Variants in MANBAL observed in about 807,000 individuals in gnomAD.
The protein encoded by MANBAL is protein MANBAL.
Under a neutral mutation model 6.4 loss-of-function variants are expected in MANBAL, and 1 was observed. That is an observed-to-expected ratio of 0.16 (90% CI 0.06 to 0.74). The LOEUF (loss-of-function observed/expected upper bound fraction) is 0.74. MANBAL is among the 30% of genes least tolerant of loss of function. The probability of loss-of-function intolerance (pLI) is 0.78; values close to 1 mark genes in which losing one functional copy is unlikely to be tolerated. For missense variants in MANBAL, 100 were observed against 107.8 expected (o/e 0.93, Z 0.32); for synonymous variants, 47 against 45.8 (o/e 1.03, Z -0.10).
chr20:37,308,446 C>T (rs972702803), intron 2 of MANBAL, among the ~76,000 whole-genome samples: 99 of 152,166 alleles, frequency 6.5e-4, no homozygotes, highest in African/African-American at 2.4e-3. Context: ...CCTAGTCTGA[C>T]ACCACCACTG....
chr20:37,301,083 C>T, intron 1 of MANBAL, 125 bp from the exon 2 acceptor site: 4 of 466,304 alleles, frequency 8.6e-6, no homozygotes, highest in East Asian at 4.8e-5. Flanking sequence ...GCCGAAGTTG[C>T]AGTGATCATG....
intron 1 of MANBAL, among the ~76,000 whole-genome samples, chr20:37,291,802 T>C (rs1162655497): frequency 6.6e-6 from 1 of 152,220 alleles, no homozygotes; most frequent in Non-Finnish European, 1.5e-5. Context: ...GCACACACTC[T>C]CTTGCCTGCT....
Position 37,317,007 on chromosome 20 carries a change from C to T in MANBAL, c.*592C>T, listed in dbSNP as rs540696053. The T allele has an allele frequency of 6.5e-6, 1 of 152,742 alleles. No individual in the cohort carries two copies. The highest frequency in any genetic ancestry group is 1.5e-5 in the Non-Finnish European group (1 of 68,116). The allele number at this position is 152,742 out of a possible 1,614,324, so 9.5% of individuals were successfully genotyped here. A position where few individuals can be genotyped will look rare whatever the true frequency, so the allele number is the denominator to read the frequency against. On this transcript the variant is annotated 3_prime_UTR_variant, in exon 3 of 3. Transcript: ENST00000373606. Reference sequence around the variant, plus strand: ...ACAGCCAGGCCAGGGTAGGCAGTGCCTGCTTCTGCTCCATCAGGTGCAGGG... The same window carrying T: ...ACAGCCAGGCCAGGGTAGGCAGTGCTTGCTTCTGCTCCATCAGGTGCAGGG...
At chr20:37,296,925 A>G (rs1250615916) in intron 1 of MANBAL, 10 of 152,204 alleles carry the variant, frequency 6.6e-5, no homozygotes, top group African/African-American at 2.4e-4. Flanking sequence ...CTCTTGCCCT[A>G]TCTTTCTATT....
At chr20:37,310,523 G>A (rs2069361563) in intron 2 of MANBAL, among the ~76,000 whole-genome samples, 1 of 152,220 alleles carries the variant, frequency 6.6e-6, no homozygotes, top group South Asian at 2.1e-4. Context: ...AGTGGCCTGC[G>A]TAGAATGACA....
At chr20:37,293,949 G>T (rs547972031) in intron 1 of MANBAL, among the ~76,000 whole-genome samples, 1 of 152,124 alleles carries the variant, frequency 6.6e-6, no homozygotes, top group Non-Finnish European at 1.5e-5. Flanking sequence ...GACTTCATGC[G>T]TGTGTATGTT....
chr20:37,302,470 G>T, intron 2 of MANBAL: 2 of 1,006,492 alleles, frequency 2.0e-6, no homozygotes, highest in Non-Finnish European at 2.9e-6. Context: ...ATAAAAATCC[G>T]GTCAGTCTTT....
chr20:37,300,093 C>T (rs917499843), intron 1 of MANBAL, among the ~76,000 whole-genome samples: 2 of 152,210 alleles, frequency 1.3e-5, no homozygotes, highest in African/African-American at 4.8e-5. Context: ...GTTGTCCCTC[C>T]TCCATTTAAA....
intron 2 of MANBAL, among the ~76,000 whole-genome samples, chr20:37,311,592 A>G (rs537576020): frequency 1.3e-5 from 2 of 152,152 alleles, no homozygotes; most frequent in South Asian, 2.1e-4. Flanking sequence ...GGTTCAAGTG[A>G]TTCTCCTGCC....
intron 2 of MANBAL, among the ~76,000 whole-genome samples, chr20:37,307,565 T>C (rs1279649171): frequency 1.3e-5 from 2 of 152,090 alleles, no homozygotes; most frequent in Non-Finnish European, 2.9e-5. Context: ...AAGACCAGCC[T>C]GGCCAACATG....
intron 2 of MANBAL, among the ~76,000 whole-genome samples, chr20:37,312,347 G>C (rs1487083065): frequency 1.3e-5 from 2 of 152,062 alleles, no homozygotes; most frequent in African/African-American, 4.8e-5. Context: ...TGGTTCTGGG[G>C]GCTGCTAAGT....
At chr20:37,298,841 A>G (rs1283645040) in intron 1 of MANBAL, 1 of 151,776 alleles carries the variant, frequency 6.6e-6, no homozygotes, top group Non-Finnish European at 1.5e-5. Context: ...AGCTGGAGCA[A>G]TTCTCCTGCC....
chr20:37,308,753 CAG>C (rs1268374273), intron 2 of MANBAL, among the ~76,000 whole-genome samples: 6 of 152,286 alleles, frequency 3.9e-5, no homozygotes, highest in African/African-American at 9.6e-5. Context: ...GATTTCTACA[CAG>C]AGTGTTGATT....
Position 37,313,161 on chromosome 20 carries a change from G to A in MANBAL, c.151-3147G>A, listed in dbSNP as rs144250607. Among the ~76,000 whole-genome samples, 1,129 of 144,578 alleles carry A rather than the reference G, an allele frequency of 7.8e-3. 16 individuals carry two copies. The highest frequency in any genetic ancestry group is 0.026 in the African/African-American group (1,023 of 38,992). 94.8% of individuals were successfully genotyped at this position (144,578 alleles called of 152,430 possible). A position where few individuals can be genotyped will look rare whatever the true frequency, so the allele number is the denominator to read the frequency against. On this transcript the variant is annotated intron_variant, in intron 2 of 2. Coordinates refer to ENST00000373606, the MANE Select transcript of MANBAL (RefSeq NM_001003897.2). ...TGGGAGGCCGAATCGGGCAGATCAC[G>A]AGGTCAGGAGATCGAGACCATCTTG...
intron 2 of MANBAL, among the ~76,000 whole-genome samples, chr20:37,312,770 C>T (rs939934802): frequency 6.6e-6 from 1 of 152,254 alleles, no homozygotes; most frequent in Non-Finnish European, 1.5e-5. Flanking sequence ...CTCAACCTCT[C>T]GAGTAGCTGG....
At chr20:37,313,814 G>A (rs1242441714) in intron 2 of MANBAL, among the ~76,000 whole-genome samples, 2 of 152,236 alleles carry the variant, frequency 1.3e-5, no homozygotes, top group Non-Finnish European at 2.9e-5. Context: ...TAGACAGTGA[G>A]TAGGAGTGTA....
At chr20:37,293,072 G>T (rs753399408) in intron 1 of MANBAL, among the ~76,000 whole-genome samples, 20 of 152,236 alleles carry the variant, frequency 1.3e-4, no homozygotes, top group Non-Finnish European at 2.6e-4. Flanking sequence ...TGCATGGATT[G>T]TTCTAGCTTG....
At position 37,293,949 on chromosome 20, in the gene MANBAL, G is replaced by A. The variant is rs547972031; in HGVS notation, c.-57+4263G>A. Among the ~76,000 whole-genome samples, 68 of 152,242 alleles carry A rather than the reference G, an allele frequency of 4.5e-4. 1 individual carries two copies. The highest frequency in any genetic ancestry group is 1.6e-3 in the African/African-American group (65 of 41,526). ...ATCCTGGAACACCCTGACTTCATGC[G>A]TGTGTATGTTGGTGTGTTTTAAAAA... is the stretch of plus-strand genomic sequence containing the variant. On this transcript the variant is annotated intron_variant, in intron 1 of 2. Coordinates refer to ENST00000373606, the MANE Select transcript of MANBAL (RefSeq NM_001003897.2).
intron 2 of MANBAL, among the ~76,000 whole-genome samples, chr20:37,311,816 T>C (rs2069394246): frequency 6.6e-6 from 1 of 152,120 alleles, no homozygotes; most frequent in Non-Finnish European, 1.5e-5. Flanking sequence ...AAATCGACTC[T>C]GAAAGGAACG....
Sources: allele counts gnomAD v4.1 joint callset (sites outside exome capture counted in the v4.1 genomes callset), GRCh38; gene constraint gnomAD v4.1.1; transcripts MANE v1.5; gene names NCBI Gene and HGNC (gene_info 2026-07-23, HGNC 2026-07-21).